KSR1: variants seen among roughly 807,000 people sequenced by gnomAD.
KSR1 encodes the protein kinase suppressor of ras 1.
A neutral mutation model predicts 92.9 loss-of-function variants in KSR1; 35 were observed. The ratio of observed to expected loss-of-function variants is 0.38; its 90% CI spans 0.29 to 0.50. The LOEUF (loss-of-function observed/expected upper bound fraction) is 0.50. KSR1 is among the 20% of genes least tolerant of loss of function. The probability of loss-of-function intolerance (pLI) is 0.94; values close to 1 mark genes in which losing one functional copy is unlikely to be tolerated. For missense variants in KSR1, 972 were observed against 1,158.5 expected, an observed-to-expected ratio of 0.84 and a Z score of 2.34; for synonymous variants, 467 against 472.6, an observed-to-expected ratio of 0.99 and a Z score of 0.15.
intron 14 of KSR1, among the ~76,000 whole-genome samples, 155 bp downstream of exon 14, chr17:27,605,968 C>T (rs2073739329): frequency 6.6e-6 from 1 of 152,220 alleles, no homozygotes; most frequent in African/African-American, 2.4e-5. Flanking sequence ...AATCACATAA[C>T]CGCATTGACA....
chr17:27,488,691 C>T (rs2068737129), intron 1 of KSR1, among the ~76,000 whole-genome samples: 2 of 152,030 alleles, frequency 1.3e-5, no homozygotes, highest in East Asian at 1.9e-4. Context: ...TTAGGCCAGG[C>T]GCAGTGGCTC....
At chr17:27,597,517 A>G (rs1469837332) in intron 10 of KSR1, 81 bp downstream of exon 10, 19 of 1,408,920 alleles carry the variant, frequency 1.3e-5, no homozygotes, top group Admixed American at 2.3e-5. Flanking sequence ...CGGCAGATTC[A>G]AGGTCAGACA....
intron 20 of KSR1, chr17:27,621,901 C>T (rs1443977007): frequency 6.2e-7 from 1 of 1,613,156 alleles, no homozygotes; most frequent in East Asian, 2.2e-5. Context: ...TGATGCTGTT[C>T]TTTGCTTTCT....
At position 27,459,737 on chromosome 17, in the gene KSR1, G is replaced by A. The variant is rs1187489822; in HGVS notation, c.231+2863G>A. 6.6e-6 allele frequency among the ~76,000 whole-genome samples: 1 copy of A among 152,234 alleles called. No individual in the cohort carries two copies. Among genetic ancestry groups the A allele is most frequent in the Admixed American group, 6.5e-5 (1 of 15,282 alleles). On this transcript the variant is annotated intron_variant, in intron 1 of 20. Coordinates refer to ENST00000644974, the MANE Select transcript of KSR1 (RefSeq NM_001394583.1). The surrounding 1 kb of genome is among the most constrained non-coding windows in gnomAD (Gnocchi z 4.6). ...CTGGCCTTCATTAAATAAACACTCA[G>A]TGGGAGAAGCAGCACGTGAAATGTC...
At chr17:27,460,616 A>C (rs1392166665) in intron 1 of KSR1, among the ~76,000 whole-genome samples, 2 of 152,074 alleles carry the variant, frequency 1.3e-5, no homozygotes, top group Non-Finnish European at 2.9e-5. Flanking sequence ...GTTGCCCTGG[A>C]GCCGCAGGGG....
intron 5 of KSR1, chr17:27,587,655 A>C (rs147005695): frequency 6.6e-6 from 1 of 152,480 alleles, no homozygotes; most frequent in East Asian, 1.9e-4. Context: ...CTGGGAGGCA[A>C]TGGCGCTGAG....
At chr17:27,616,375 A>C (rs2074054920) in intron 18 of KSR1, among the ~76,000 whole-genome samples, 1 of 152,146 alleles carries the variant, frequency 6.6e-6, no homozygotes, top group East Asian at 1.9e-4. Flanking sequence ...ATCTTCCAGC[A>C]CTTTTAATGT....
chr17:27,554,442 C>T (rs753995525), intron 2 of KSR1, among the ~76,000 whole-genome samples: 4 of 152,224 alleles, frequency 2.6e-5, no homozygotes, highest in Admixed American at 1.3e-4. Flanking sequence ...CTCGCATTAC[C>T]GCCTGAGTTC....
chr17:27,457,047 A>G (rs2019206779), intron 1 of KSR1, among the ~76,000 whole-genome samples, 173 bp downstream of exon 1: 1 of 151,986 alleles, frequency 6.6e-6, no homozygotes, highest in Non-Finnish European at 1.5e-5. Flanking sequence ...ACCAGCCCTC[A>G]TCTTGGGCAG....
At chr17:27,607,695 G>T (rs2073797989) in intron 14 of KSR1, among the ~76,000 whole-genome samples, 1 of 152,170 alleles carries the variant, frequency 6.6e-6, no homozygotes, top group Non-Finnish European at 1.5e-5. Context: ...GGGAATGGGG[G>T]TTTGTGTGCG....
intron 19 of KSR1, among the ~76,000 whole-genome samples, chr17:27,618,605 G>C (rs924542869): frequency 6.6e-6 from 1 of 152,228 alleles, no homozygotes; most frequent in Admixed American, 6.5e-5. Flanking sequence ...CAGCTCTGCC[G>C]TCGCAACACG....
At chr17:27,463,289 A>G (rs536370835) in intron 1 of KSR1, among the ~76,000 whole-genome samples, 2 of 152,196 alleles carry the variant, frequency 1.3e-5, no homozygotes, top group East Asian at 3.9e-4. Context: ...GCTGGTGGAT[A>G]GCTTGAGTCT....
rs1022071300 is a variant in KSR1, at chr17:27,592,510, T to A, written c.1193-10T>A. On this transcript the variant is annotated splice_polypyrimidine_tract_variant and intron_variant, in intron 8 of 20. Coordinates refer to ENST00000644974, the MANE Select transcript of KSR1 (RefSeq NM_001394583.1). ...TTCCCTGGTGATGGGTTTTCCCTCT[T>A]TTCAAACAGTAACTCGGCTTCGGAG... 2.5e-6 allele frequency: 4 copies of A among 1,613,798 alleles called. No individual in the cohort carries two copies. In the African/African-American group the frequency reaches 5.3e-5, roughly 22 times the overall value.
chr17:27,608,685 G>A (rs1489595718), intron 15 of KSR1, among the ~76,000 whole-genome samples: 1 of 152,054 alleles, frequency 6.6e-6, no homozygotes, highest in Non-Finnish European at 1.5e-5. Context: ...CTTAGTCCAG[G>A]GCTCCTTCTA....
intron 3 of KSR1, among the ~76,000 whole-genome samples, chr17:27,582,349 AGTGTCATGTCG>A (rs562156351): frequency 6.6e-6 from 1 of 152,222 alleles, no homozygotes; most frequent in Non-Finnish European, 1.5e-5. Context: ...ATTTCCTGTG[AGTGTCATGTCG>A]GTGCTCAGAA....
At chr17:27,476,192 C>T (rs890353008) in intron 1 of KSR1, among the ~76,000 whole-genome samples, 1 of 152,330 alleles carries the variant, frequency 6.6e-6, no homozygotes, top group South Asian at 2.1e-4. Flanking sequence ...CTTGAGCCCC[C>T]ACCCCTTCTC....
At position 27,577,429 on chromosome 17, in the gene KSR1, C is replaced by T; in HGVS notation, c.373-63C>T. The stretch of plus-strand genomic sequence containing the variant: ...CACTCAGCAGGAGGCCAGCCTGAGG[C>T]TGAGGGGCTCCCGGCCCAGCCGACT... On this transcript the variant is annotated intron_variant, in intron 2 of 20. Coordinates refer to ENST00000644974, the MANE Select transcript of KSR1 (RefSeq NM_001394583.1). This position sits in a 1 kb window ranked among gnomAD's most constrained non-coding sequence, Gnocchi z 4.5. The T allele has an allele frequency of 9.3e-7, 1 of 1,078,646 alleles. No individual in the cohort carries two copies. The highest frequency in any genetic ancestry group is 2.1e-5 in the Admixed American group (1 of 47,148). The allele number at this position is 1,078,646 out of a possible 1,614,324, so 66.8% of individuals were successfully genotyped here. A position where few individuals can be genotyped will look rare whatever the true frequency, so the allele number is the denominator to read the frequency against.
chr17:27,502,033 G>T (rs2069209225), intron 1 of KSR1, among the ~76,000 whole-genome samples: 1 of 152,238 alleles, frequency 6.6e-6, no homozygotes. Flanking sequence ...ATGTAGGCTG[G>T]ATTGTGCCTC....
chr17:27,516,310 A>G (rs2069791214), intron 1 of KSR1, among the ~76,000 whole-genome samples: 1 of 152,214 alleles, frequency 6.6e-6, no homozygotes, highest in Admixed American at 6.5e-5. Context: ...ATTATCATTA[A>G]TATTATCATC....
Sources: gnomAD v4.1 joint callset for allele counts (sites outside exome capture counted in the v4.1 genomes callset) on GRCh38, gnomAD v4.1.1 for gene constraint, Gnocchi (gnomAD v3.1) non-coding constraint, MANE v1.5 for transcripts, NCBI Gene and HGNC (gene_info 2026-07-23, HGNC 2026-07-21) for gene names.